Variants in RARS2 observed in about 807,000 individuals in gnomAD.
The protein encoded by RARS2 is arginyl-tRNA synthetase 2, mitochondrial.
In RARS2, 67 loss-of-function variants were observed where a neutral mutation model predicts 88.5. That is an observed-to-expected ratio of 0.76 (90% confidence interval 0.62 to 0.93). The LOEUF is 0.93. Among genes scored for constraint, RARS2 ranks in the 40% least tolerant of loss-of-function variants. RARS2 has a pLI of 0.00. For missense variants in RARS2, 664 were observed against 684.2 expected (o/e 0.97, Z 0.33); for synonymous variants, 239 against 230.3 (o/e 1.04, Z -0.34).
rs562581634 is a variant in RARS2, at chr6:87,525,883, T to C, written c.879-1231A>G. Among the ~76,000 whole-genome samples, 26 of 151,366 alleles carry C rather than the reference T, an allele frequency of 1.7e-4. No homozygotes were observed. The South Asian group carries it at 5.2e-3, about 30-fold the overall frequency. On this transcript the variant is annotated intron_variant, in intron 10 of 19. Transcript: ENST00000369536. ...CATTTCTATACACAACAACAAACTA[T>C]CTGAAAAAGAAATTTAAAAAAAAAT...
In RARS2 at chr6:87,532,559, G is replaced by A. The variant is rs191860717; in HGVS notation, c.613-1617C>T. ...GTATTCTCATAATTTGCTGCTGGAA[G>A]TATGTGCACCTTGTGTGACTCCACT... On this transcript the variant is annotated intron_variant, in intron 8 of 19. Transcript: ENST00000369536. 2.3e-3 allele frequency among the ~76,000 whole-genome samples: 347 copies of A among 152,344 alleles called. 1 individual carries two copies. Among genetic ancestry groups the A allele is most frequent in the African/African-American group, 8.0e-3 (333 of 41,570 alleles).
chr6:87,524,176 C>G (rs1040887542), intron 11 of RARS2, among the ~76,000 whole-genome samples: 5 of 152,176 alleles, frequency 3.3e-5, no homozygotes, highest in Admixed American at 3.3e-4. Context: ...GATAAACCCA[C>G]TTCTTACTGA....
chr6:87,555,395 G>A lies in RARS2; in HGVS notation c.395+13C>T, dbSNP rs1209678266. 3 of 1,601,128 alleles carry A rather than the reference G, an allele frequency of 1.9e-6. No individual in the cohort carries two copies. The African/African-American group carries it at 4.0e-5, about 21-fold the overall frequency. ...ACTTGATTAAGCAACACATAAAAGG[G>A]GTGCACCCTCACCTGAATTCAACCA... On this transcript the variant is annotated intron_variant, in intron 5 of 19. Coordinates refer to ENST00000369536, the MANE Select transcript of RARS2 (RefSeq NM_020320.5).
chr6:87,559,790 T>G (rs1224767133), intron 4 of RARS2, among the ~76,000 whole-genome samples: 1 of 152,220 alleles, frequency 6.6e-6, no homozygotes, highest in Non-Finnish European at 1.5e-5. Flanking sequence ...TCCTAGGCCT[T>G]CACATGCACT....
intron 5 of RARS2, among the ~76,000 whole-genome samples, chr6:87,554,718 G>C (rs1785278609): frequency 6.6e-6 from 1 of 152,074 alleles, no homozygotes; most frequent in South Asian, 2.1e-4. Context: ...CTTCCAAAGT[G>C]CTAGGATTAC....
intron 7 of RARS2, among the ~76,000 whole-genome samples, chr6:87,544,274 T>A (rs993120492): frequency 6.6e-6 from 1 of 152,256 alleles, no homozygotes; most frequent in Non-Finnish European, 1.5e-5. Flanking sequence ...TACAGGTTGA[T>A]TTTTTAAATG....
chr6:87,580,416 G>A (rs149392584), intron 1 of RARS2, among the ~76,000 whole-genome samples: 194 of 151,996 alleles, frequency 1.3e-3, no homozygotes, highest in African/African-American at 4.0e-3. Context: ...ACAAAATTAG[G>A]CACAGTCCTT....
At position 87,578,115 on chromosome 6, in the gene RARS2, C is replaced by CG. The variant is rs908482768; in HGVS notation, c.37-8526_37-8525insC. 7.0e-4 allele frequency among the ~76,000 whole-genome samples: 104 copies of CG among 148,170 alleles called. 1 individual carries two copies. Among genetic ancestry groups the CG allele is most frequent in the African/African-American group, 2.5e-3 (96 of 38,878 alleles). ...TGGGGCAACATAGCGAGACCCCCCC[C>CG]CCCGCCATCTCTATTTAAAAATAAA... On this transcript the variant is annotated intron_variant, in intron 1 of 19. Coordinates refer to ENST00000369536, the MANE Select transcript of RARS2 (RefSeq NM_020320.5).
intron 1 of RARS2, among the ~76,000 whole-genome samples, chr6:87,575,074 G>GAA (rs369439064): frequency 2.0e-5 from 3 of 151,694 alleles, no homozygotes; most frequent in Non-Finnish European, 4.4e-5. Flanking sequence ...CATAAGGATA[G>GAA]AGACAAAATT....
chr6:87,564,818 G>A (rs1307651565), intron 2 of RARS2, among the ~76,000 whole-genome samples: 1 of 151,930 alleles, frequency 6.6e-6, no homozygotes, highest in African/African-American at 2.4e-5. Flanking sequence ...AGCACTTTGG[G>A]AGGCCGAGGC....
intron 17 of RARS2, 135 bp from the exon 18 acceptor site, chr6:87,517,015 AC>A: frequency 1.5e-6 from 2 of 1,350,528 alleles, no homozygotes; most frequent in South Asian, 2.5e-5. Context: ...GCAGTGTCTC[AC>A]GTCTGTAATC....
intron 8 of RARS2, among the ~76,000 whole-genome samples, chr6:87,531,199 T>G (rs1038617786): frequency 6.6e-6 from 1 of 152,154 alleles, no homozygotes; most frequent in South Asian, 2.1e-4. Flanking sequence ...AATAACCAAA[T>G]AGCCAAAAAT....
At chr6:87,556,635 A>T (rs189934379) in intron 4 of RARS2, among the ~76,000 whole-genome samples, 36 of 151,600 alleles carry the variant, frequency 2.4e-4, no homozygotes, top group African/African-American at 8.5e-4. Flanking sequence ...AAAAATTTTA[A>T]AAAAAAATTA....
chr6:87,535,343 TTG>T (rs1309027503), intron 8 of RARS2, among the ~76,000 whole-genome samples: 1 of 152,172 alleles, frequency 6.6e-6, no homozygotes, highest in Non-Finnish European at 1.5e-5. Flanking sequence ...AGGAAAAACA[TTG>T]TGTCTTGAGG....
chr6:87,568,556 T>C (rs147211113), intron 2 of RARS2, among the ~76,000 whole-genome samples: 3 of 152,326 alleles, frequency 2.0e-5, no homozygotes, highest in Admixed American at 1.3e-4. Context: ...ATGTCATTTA[T>C]AGATTTTACG....
At chr6:87,518,790 CA>C (rs768019443) in intron 15 of RARS2, 33 bp downstream of exon 15, 1 of 1,612,928 alleles carries the variant, frequency 6.2e-7, no homozygotes, top group South Asian at 1.1e-5. Flanking sequence ...TAGTACCAAA[CA>C]AAAGGGCCTC....
Position 87,577,079 on chromosome 6 carries a change from A to C in RARS2, c.37-7489T>G, listed in dbSNP as rs372001289. On this transcript the variant is annotated intron_variant, in intron 1 of 19. Coordinates refer to ENST00000369536, the MANE Select transcript of RARS2 (RefSeq NM_020320.5). ...AGGAAGATTGGAAAATTTTACAATT[A>C]CACTGGGATTGCCCTACGCATTTGC... 5.9e-5 allele frequency among the ~76,000 whole-genome samples: 9 copies of C among 152,370 alleles called. No individual in the cohort carries two copies. In the East Asian group the frequency reaches 9.6e-4, roughly 16 times the overall value.
chr6:87,548,748 C>T (rs1460441726), intron 5 of RARS2, 102 bp from the exon 6 acceptor site: 1 of 1,067,330 alleles, frequency 9.4e-7, no homozygotes, highest in African/African-American at 1.6e-5. Flanking sequence ...GGAGTATGGC[C>T]TTTGGTATTA....
chr6:87,557,104 G>C (rs1045959089), intron 4 of RARS2, among the ~76,000 whole-genome samples: 1 of 152,162 alleles, frequency 6.6e-6, no homozygotes, highest in African/African-American at 2.4e-5. Flanking sequence ...TAAAGTGCTA[G>C]GTCCAAGACC....
Sources: gnomAD v4.1 joint callset for allele counts (sites outside exome capture counted in the v4.1 genomes callset) on GRCh38, gnomAD v4.1.1 for gene constraint, MANE v1.5 for transcripts, NCBI Gene and HGNC (gene_info 2026-07-23, HGNC 2026-07-21) for gene names.